Variants in BBOX1 observed in about 807,000 individuals in gnomAD.
BBOX1 encodes the protein gamma-butyrobetaine dioxygenase.
A neutral mutation model predicts 41.6 loss-of-function variants in BBOX1; 35 were observed. That is an observed-to-expected ratio of 0.84 (90% confidence interval 0.64 to 1.11). BBOX1 has a LOEUF of 1.11. BBOX1 is among the 50% of genes most tolerant of loss of function. The pLI is 0.00. For missense variants in BBOX1, 458 were observed against 460.6 expected, an observed-to-expected ratio of 0.99 and a Z score of 0.05; for synonymous variants, 163 against 154.7, an observed-to-expected ratio of 1.05 and a Z score of -0.40.
chr11:27,112,281 G>A (rs1859098673), intron 5 of BBOX1, among the ~76,000 whole-genome samples: 1 of 151,922 alleles, frequency 6.6e-6, no homozygotes, highest in Non-Finnish European at 1.5e-5. Flanking sequence ...ACATTTGGTT[G>A]ATAAAATTGT....
intron 4 of BBOX1, among the ~76,000 whole-genome samples, chr11:27,064,548 T>C (rs944957928): frequency 5.3e-5 from 8 of 152,190 alleles, no homozygotes; most frequent in African/African-American, 1.9e-4. Context: ...CTCAAATGCA[T>C]GTGACTTTAT....
intron 4 of BBOX1, among the ~76,000 whole-genome samples, chr11:27,083,640 T>C (rs1194404483): frequency 6.6e-6 from 1 of 152,146 alleles, no homozygotes; most frequent in Non-Finnish European, 1.5e-5. Flanking sequence ...CCAAGATTCA[T>C]TTATTATTGT....
intron 4 of BBOX1, among the ~76,000 whole-genome samples, chr11:27,078,730 T>C (rs1354750066): frequency 6.6e-6 from 1 of 152,154 alleles, no homozygotes; most frequent in Non-Finnish European, 1.5e-5. Flanking sequence ...AAGAGTGCAC[T>C]ATATCAAGAA....
chr11:27,054,850 G>A (rs1286828000), intron 2 of BBOX1, among the ~76,000 whole-genome samples: 2 of 152,152 alleles, frequency 1.3e-5, no homozygotes, highest in Non-Finnish European at 2.9e-5. Context: ...GCAATATTCT[G>A]AATTGAAGAA....
intron 5 of BBOX1, among the ~76,000 whole-genome samples, chr11:27,106,507 T>A (rs1048137973): frequency 1.1e-4 from 16 of 152,296 alleles, no homozygotes; most frequent in Middle Eastern, 3.4e-3. Flanking sequence ...CATTACATAA[T>A]GGTAAAGGGA....
chr11:27,075,267 T>C (rs1857596378), intron 4 of BBOX1, among the ~76,000 whole-genome samples: 2 of 152,182 alleles, frequency 1.3e-5, no homozygotes, highest in South Asian at 4.1e-4. Context: ...TATGATGACT[T>C]TCTCAGATGC....
intron 4 of BBOX1, among the ~76,000 whole-genome samples, chr11:27,072,712 C>T (rs1857495866): frequency 6.6e-6 from 1 of 152,068 alleles, no homozygotes; most frequent in African/African-American, 2.4e-5. Flanking sequence ...GGTACTGGTA[C>T]CCAAACAGAG....
intron 6 of BBOX1, 42 bp from the exon 7 acceptor site, chr11:27,119,607 T>C: frequency 1.9e-6 from 2 of 1,058,290 alleles, no homozygotes; most frequent in Non-Finnish European, 2.5e-6. Context: ...AATTAAAATG[T>C]AATTTAATAT....
At chr11:27,098,082 G>A (rs978700319) in intron 5 of BBOX1, among the ~76,000 whole-genome samples, 102 of 151,902 alleles carry the variant, frequency 6.7e-4, no homozygotes, top group African/African-American at 2.4e-3. Context: ...TATCTCTCTT[G>A]CTTTTATATC....
Position 27,104,004 on chromosome 11 carries a change from T to C in BBOX1, c.533+10638T>C, listed in dbSNP as rs377021885. The stretch of plus-strand genomic sequence containing the variant: ...CTAACAGCTTTCTAAGACCTTCTAG[T>C]TCGTCTCCTTCACTTTATCAGGACC... On this transcript the variant is annotated intron_variant, in intron 5 of 8. Transcript: ENST00000263182. Among the ~76,000 whole-genome samples, 13 of 152,324 alleles carry C rather than the reference T, an allele frequency of 8.5e-5. No individual in the cohort carries two copies. In the East Asian group the frequency reaches 1.7e-3, roughly 20 times the overall value.
At chr11:27,119,578 AT>A (rs1859391146) in intron 6 of BBOX1, 70 bp from the exon 7 acceptor site, 1 of 876,008 alleles carries the variant, frequency 1.1e-6, no homozygotes, top group South Asian at 5.0e-5. Context: ...TATTTATTTT[AT>A]TGAAGATTAA....
chr11:27,078,519 T>C (rs1163386018), intron 4 of BBOX1, among the ~76,000 whole-genome samples: 4 of 152,112 alleles, frequency 2.6e-5, no homozygotes, highest in African/African-American at 7.2e-5. Context: ...GATGAGTTCA[T>C]GTCCTTTGCA....
chr11:27,067,816 G>T (rs1299159546), intron 4 of BBOX1, among the ~76,000 whole-genome samples: 5 of 152,064 alleles, frequency 3.3e-5, no homozygotes, highest in Non-Finnish European at 7.4e-5. Flanking sequence ...CTGCTTGCAA[G>T]TGAGGACATA....
chr11:27,069,650 G>A (rs1398381972), intron 4 of BBOX1, among the ~76,000 whole-genome samples: 1 of 151,930 alleles, frequency 6.6e-6, no homozygotes, highest in Non-Finnish European at 1.5e-5. Context: ...ACTTGTTCCA[G>A]TTCTCAGGAA....
intron 4 of BBOX1, among the ~76,000 whole-genome samples, chr11:27,084,214 G>A (rs1021527016): frequency 3.3e-5 from 5 of 152,142 alleles, no homozygotes; most frequent in Non-Finnish European, 4.4e-5. Context: ...TCCCTATGAA[G>A]TCCAGTGATG....
At chr11:27,099,082 C>T (rs894966098) in intron 5 of BBOX1, among the ~76,000 whole-genome samples, 1 of 151,816 alleles carries the variant, frequency 6.6e-6, no homozygotes, top group African/African-American at 2.4e-5. Context: ...CTGAACAAGA[C>T]AACAAAAGCT....
intron 4 of BBOX1, among the ~76,000 whole-genome samples, chr11:27,089,913 T>A (rs1384443323): frequency 1.3e-5 from 2 of 152,006 alleles, no homozygotes; most frequent in Non-Finnish European, 2.9e-5. Flanking sequence ...ACATTTATCA[T>A]CCTCTTCCTG....
chr11:27,083,005 A>C (rs1857905037), intron 4 of BBOX1, among the ~76,000 whole-genome samples: 1 of 152,140 alleles, frequency 6.6e-6, no homozygotes, highest in Non-Finnish European at 1.5e-5. Flanking sequence ...GTCCAACATG[A>C]AAATGTGTGT....
chr11:27,095,418 T>C (rs1043488914), intron 5 of BBOX1, among the ~76,000 whole-genome samples: 1 of 151,924 alleles, frequency 6.6e-6, no homozygotes, highest in Non-Finnish European at 1.5e-5. Context: ...GGCTTAATAA[T>C]TTGGCCACTG....
Sources: gnomAD v4.1 joint callset for allele counts (sites outside exome capture counted in the v4.1 genomes callset) on GRCh38, gnomAD v4.1.1 for gene constraint, MANE v1.5 for transcripts, NCBI Gene and HGNC (gene_info 2026-07-23, HGNC 2026-07-21) for gene names.